TEX9: variants seen among roughly 807,000 people sequenced by gnomAD.
TEX9 encodes the protein testis-expressed protein 9.
A neutral mutation model predicts 59.6 loss-of-function variants in TEX9; 74 were observed. The ratio of observed to expected loss-of-function variants is 1.24; its 90% CI spans 1.03 to 1.51. The LOEUF (loss-of-function observed/expected upper bound fraction) is 1.51. TEX9 is among the 40% of genes most tolerant of loss of function. The pLI, the probability that TEX9 is intolerant of heterozygous loss-of-function variation, is 0.00. For synonymous variants in TEX9, 186 were observed against 152.2 expected, an observed-to-expected ratio of 1.22 and a Z score of -1.64; for missense variants, 522 against 447.8, an observed-to-expected ratio of 1.17 and a Z score of -1.49.
chr15:56,246,139 TGA>T (rs1491458166), intron 1 of TEX9, among the ~76,000 whole-genome samples: 1 of 152,134 alleles, frequency 6.6e-6, no homozygotes, highest in Non-Finnish European at 1.5e-5. Context: ...GTGCAACTTC[TGA>T]GAGTTTTTAA....
chr15:56,251,362 C>T (rs75262480), intron 1 of TEX9, among the ~76,000 whole-genome samples: 5,377 of 152,214 alleles, frequency 0.035, 339 homozygotes, highest in African/African-American at 0.12. Flanking sequence ...ATGTAAGCTT[C>T]CATCCTTGTC....
chr15:56,314,721 C>T (rs1286201964), intron 1 of TEX9, among the ~76,000 whole-genome samples: 5 of 151,742 alleles, frequency 3.3e-5, no homozygotes, highest in Non-Finnish European at 4.4e-5. Context: ...CTTTCTGTCT[C>T]GTTGATCTGT....
intron 1 of TEX9, among the ~76,000 whole-genome samples, chr15:56,295,013 A>G (rs1336914879): frequency 6.6e-6 from 1 of 152,166 alleles, no homozygotes; most frequent in Non-Finnish European, 1.5e-5. Flanking sequence ...ATATATATAT[A>G]TGTTAAAGTA....
chr15:56,284,617 G>T (rs1425835966), intron 1 of TEX9, among the ~76,000 whole-genome samples: 1 of 152,108 alleles, frequency 6.6e-6, no homozygotes, highest in Non-Finnish European at 1.5e-5. Context: ...GTCTTGCAGA[G>T]AAATCAAACT....
chr15:56,447,957 T>C (rs1327501740), downstream of TEX9, among the ~76,000 whole-genome samples: 1 of 152,238 alleles, frequency 6.6e-6, no homozygotes, highest in Non-Finnish European at 1.5e-5. Context: ...ATACATCCAT[T>C]TATTGCATAT....
intron 1 of TEX9, among the ~76,000 whole-genome samples, chr15:56,247,918 GAAGCTGA>G (rs2043901739): frequency 6.6e-6 from 1 of 152,116 alleles, no homozygotes; most frequent in African/African-American, 2.4e-5. Flanking sequence ...TTCTCCTCTA[GAAGCTGA>G]AAGTAGAGTT....
chr15:56,278,384 A>G (rs1279640376), intron 1 of TEX9, among the ~76,000 whole-genome samples: 1 of 152,202 alleles, frequency 6.6e-6, no homozygotes, highest in African/African-American at 2.4e-5. Flanking sequence ...CCCTCAATCC[A>G]AAAAAGATTA....
intron 1 of TEX9, among the ~76,000 whole-genome samples, chr15:56,359,847 T>G (rs2046759364): frequency 6.6e-6 from 1 of 152,170 alleles, no homozygotes; most frequent in Non-Finnish European, 1.5e-5. Context: ...GGAGAAAGCA[T>G]CCAATTTCAT....
intron 1 of TEX9, among the ~76,000 whole-genome samples, chr15:56,297,326 T>TA (rs1280772575): frequency 6.6e-6 from 1 of 152,192 alleles, no homozygotes; most frequent in Non-Finnish European, 1.5e-5. Flanking sequence ...ATATGATATA[T>TA]AAAAACAAAT....
chr15:56,358,663 G>A (rs1377554053), intron 1 of TEX9, among the ~76,000 whole-genome samples: 1 of 151,876 alleles, frequency 6.6e-6, no homozygotes, highest in African/African-American at 2.4e-5. Context: ...CCTATTCTAG[G>A]GTTTGGTCCA....
rs1343547535 is a variant in TEX9 at position 56,372,285 on chromosome 15, C to G, written c.120-1156C>G. Among the ~76,000 whole-genome samples the G allele has an allele frequency of 2.0e-5, 3 of 152,118 alleles. No homozygotes were observed. The East Asian group carries it at 5.8e-4, about 29-fold the overall frequency. Reference sequence around the variant, plus strand: ...GATATAAAAATATTTCTTAAAGCTTCAGACTGTTAAAGGATATGGTACTAA... The same window carrying G: ...GATATAAAAATATTTCTTAAAGCTTGAGACTGTTAAAGGATATGGTACTAA... On this transcript the variant is annotated intron_variant, in intron 2 of 12. Transcript: ENST00000352903.
intron 1 of TEX9, among the ~76,000 whole-genome samples, chr15:56,309,711 T>G (rs1212283303): frequency 3.0e-5 from 4 of 132,858 alleles, no homozygotes; most frequent in African/African-American, 7.8e-5. Flanking sequence ...TTTTTTTTTT[T>G]TTTTTTTTTT....
At position 56,384,083 on chromosome 15, in the gene TEX9, C is replaced by T. The variant is rs560249331; in HGVS notation, c.263+52C>T. ...TTCTTTTAAAAGGATGTACATGGAT[C>T]GTTATGTAAGATCTTTTTTGCATGC... On this transcript the variant is annotated intron_variant, in intron 4 of 12. Coordinates refer to ENST00000352903, the Ensembl canonical transcript of TEX9. 82 of 1,383,524 alleles carry T rather than the reference C, an allele frequency of 5.9e-5. No individual in the cohort carries two copies. The African/African-American group carries it at 7.8e-4, about 13-fold the overall frequency. The allele number at this position is 1,383,524 out of a possible 1,614,324, so 85.7% of individuals were successfully genotyped here. A position where few individuals can be genotyped will look rare whatever the true frequency, so the allele number is the denominator to read the frequency against.
At chr15:56,421,287 CTTA>C (rs1262532806) in intron 10 of TEX9, among the ~76,000 whole-genome samples, 1 of 151,716 alleles carries the variant, frequency 6.6e-6, no homozygotes, top group East Asian at 1.9e-4. Context: ...GAATTGACCT[CTTA>C]TTATTTATTT....
chr15:56,267,687 A>C (rs538995541), intron 1 of TEX9, among the ~76,000 whole-genome samples: 1 of 152,072 alleles, frequency 6.6e-6, no homozygotes, highest in South Asian at 2.1e-4. Context: ...ATTGATCTCT[A>C]TCTCTGTTTT....
intron 10 of TEX9, among the ~76,000 whole-genome samples, chr15:56,413,206 T>C (rs1204566329): frequency 2.3e-5 from 1 of 42,574 alleles, no homozygotes; most frequent in African/African-American, 7.7e-5. Flanking sequence ...TATTTAATAT[T>C]TAATAATTAA....
intron 2 of TEX9, 197 bp downstream of exon 2, chr15:56,365,867 T>C (rs777520161): frequency 1.0e-5 from 14 of 1,403,598 alleles, no homozygotes; most frequent in Non-Finnish European, 1.3e-5. Context: ...TTAGAAGATA[T>C]TTGAAGTGGG....
rs1226304724 is a variant in TEX9 at position 56,322,713 on chromosome 15, A to G, written c.-106-50728A>G. Among the ~76,000 whole-genome samples, 2 of 152,194 alleles carry G rather than the reference A, an allele frequency of 1.3e-5. 1 individual carries two copies. Among genetic ancestry groups the G allele is most frequent in the East Asian group, 3.8e-4 (2 of 5,196 alleles). ...CCATGTGTATGAATGGAGAAGGCAG[A>G]TGGTTTTACTAATCCAGAGTCAAAG... On this transcript the variant is annotated intron_variant, in intron 1 of 5. Coordinates refer to the TEX9 transcript ENST00000560827.
chr15:56,327,625 C>CTT (rs2046047610), intron 1 of TEX9, among the ~76,000 whole-genome samples: 2 of 152,180 alleles, frequency 1.3e-5, no homozygotes, highest in African/African-American at 4.8e-5. Context: ...TCTCGAACTG[C>CTT]CAACACCACT....
Sources: gnomAD v4.1 joint callset for allele counts (sites outside exome capture counted in the v4.1 genomes callset) on GRCh38, gnomAD v4.1.1 for gene constraint, MANE v1.5 for transcripts, NCBI Gene and HGNC (gene_info 2026-07-23, HGNC 2026-07-21) for gene names.